The following LYST variants were observed in gnomAD, a reference collection of about 807,000 sequenced individuals.
LYST encodes lysosomal trafficking regulator, also known as lysosomal-trafficking regulator.
LYST carries 192 observed loss-of-function variants against 413.6 expected under a neutral mutation model. That is an observed-to-expected ratio of 0.46 (90% CI 0.41 to 0.52). The LOEUF (loss-of-function observed/expected upper bound fraction) is 0.52, where lower values mean the gene tolerates loss of function less well. LYST is among the 20% of genes least tolerant of loss of function. LYST has a pLI of 0.00. For missense variants in LYST, 3,815 were observed against 4,499.9 expected, an observed-to-expected ratio of 0.85 and a Z score of 4.35; for synonymous variants, 1,525 against 1,567.3, an observed-to-expected ratio of 0.97 and a Z score of 0.64.
chr1:235,871,906 T>C (rs1479548098), upstream of LYST, among the ~76,000 whole-genome samples: 1 of 152,180 alleles, frequency 6.6e-6, no homozygotes, highest in East Asian at 1.9e-4. Context: ...GGGGAGGAAA[T>C]GTTTCCTCAA....
intron 45 of LYST, 30 bp downstream of exon 45, chr1:235,702,717 C>T (rs771274641): frequency 6.4e-7 from 1 of 1,571,628 alleles, no homozygotes; most frequent in Non-Finnish European, 8.8e-7. Flanking sequence ...TCAGGTTTTG[C>T]TGCACTCGAT....
At chr1:235,784,033 C>T (rs891473935) in intron 14 of LYST, among the ~76,000 whole-genome samples, 1 of 152,140 alleles carries the variant, frequency 6.6e-6, no homozygotes, top group African/African-American at 2.4e-5. Flanking sequence ...CTACGCATTA[C>T]CATGCCCAGC....
chr1:235,860,514 T>A (rs757379494), intron 1 of LYST, among the ~76,000 whole-genome samples: 3 of 152,186 alleles, frequency 2.0e-5, no homozygotes, highest in Non-Finnish European at 2.9e-5. Context: ...TCCCTCCTTC[T>A]CTCCACCACT....
chr1:235,826,854 G>GT (rs1383792184), intron 3 of LYST, among the ~76,000 whole-genome samples: 2 of 151,920 alleles, frequency 1.3e-5, no homozygotes, highest in African/African-American at 2.4e-5. Flanking sequence ...GCTAATTTTT[G>GT]TATTTTTTTG....
intron 1 of LYST, among the ~76,000 whole-genome samples, chr1:235,845,585 T>C (rs1677737451): frequency 6.6e-6 from 1 of 152,070 alleles, no homozygotes; most frequent in Non-Finnish European, 1.5e-5. Context: ...GTGGATAGCC[T>C]CGGGGAAGTT....
chr1:235,821,566 T>C (rs553000575), intron 3 of LYST, among the ~76,000 whole-genome samples: 1 of 152,266 alleles, frequency 6.6e-6, no homozygotes, highest in South Asian at 2.1e-4. Context: ...GATAGTTATA[T>C]GTACTGTTTT....
intron 19 of LYST, among the ~76,000 whole-genome samples, chr1:235,773,232 T>G (rs966557239): frequency 2.6e-5 from 4 of 151,458 alleles, no homozygotes; most frequent in Admixed American, 1.3e-4. Context: ...GGTAGGAGTA[T>G]CATCTGAGCC....
upstream of LYST, among the ~76,000 whole-genome samples, chr1:235,870,954 G>A (rs1680897802): frequency 6.6e-6 from 1 of 152,204 alleles, no homozygotes; most frequent in African/African-American, 2.4e-5. Flanking sequence ...AGGAATACAA[G>A]ACTGCGATTT....
At chr1:235,768,318 A>C (rs377498218) in intron 20 of LYST, among the ~76,000 whole-genome samples, 14 of 152,046 alleles carry the variant, frequency 9.2e-5, no homozygotes, top group Non-Finnish European at 1.3e-4. Flanking sequence ...TATCCTTATA[A>C]TCTCTCCCAT....
intron 5 of LYST, among the ~76,000 whole-genome samples, chr1:235,807,958 A>G (rs1033170231): frequency 3.9e-5 from 6 of 152,176 alleles, no homozygotes; most frequent in African/African-American, 1.4e-4. Context: ...CACTATTTTA[A>G]TTGTTTATAT....
In LYST at chr1:235,695,629, ATTTTTT is replaced by A. The variant is rs148101450; in HGVS notation, c.10564+1448_10564+1453del. Among the ~76,000 whole-genome samples, 616 of 116,416 alleles carry A rather than the reference ATTTTTT, an allele frequency of 5.3e-3. 5 individuals are homozygous for A. Among genetic ancestry groups the A allele is most frequent in the African/African-American group, 0.019 (566 of 29,540 alleles). The allele number at this position is 116,416 out of a possible 152,430, so 76.4% of individuals were successfully genotyped here. A position where few individuals can be genotyped will look rare whatever the true frequency, so the allele number is the denominator to read the frequency against. On this transcript the variant is annotated intron_variant, in intron 46 of 52. Coordinates refer to ENST00000389793, the MANE Select transcript of LYST (RefSeq NM_000081.4). ...CAGAGAGAAACTTTACAGTACTCTA[ATTTTTT>A]TTTTTTTTTTTTTTTGAGACGGAGT...
intron 10 of LYST, among the ~76,000 whole-genome samples, chr1:235,799,061 A>AAC (rs1256025959): frequency 1.3e-5 from 2 of 152,206 alleles, no homozygotes; most frequent in Non-Finnish European, 2.9e-5. Context: ...CAGAGTTAAA[A>AAC]ACACATATTC....
At chr1:235,838,952 C>T (rs1676876567) in intron 1 of LYST, among the ~76,000 whole-genome samples, 1 of 152,002 alleles carries the variant, frequency 6.6e-6, no homozygotes, top group South Asian at 2.1e-4. Context: ...TACTCATTCT[C>T]TCTCTCTCCC....
At chr1:235,698,892 CA>C (rs1003337634) in intron 45 of LYST, among the ~76,000 whole-genome samples, 2 of 151,244 alleles carry the variant, frequency 1.3e-5, no homozygotes, top group African/African-American at 2.4e-5. Flanking sequence ...AAAACAAAAA[CA>C]AAAAAAATCA....
rs147249480 is a variant in LYST at position 235,833,266 on chromosome 1, A to C, written c.-8+312T>G. Among the ~76,000 whole-genome samples, 359 of 151,704 alleles carry C rather than the reference A, an allele frequency of 2.4e-3. 4 individuals are homozygous for C. Among genetic ancestry groups the C allele is most frequent in the African/African-American group, 8.4e-3 (348 of 41,480 alleles). On this transcript the variant is annotated intron_variant, in intron 2 of 52. Coordinates refer to ENST00000389793, the MANE Select transcript of LYST (RefSeq NM_000081.4). ...AGATGATTGCACGGTATTTTCTTTA[A>C]ATTTTTTCTAATATTTAAAGTACCC...
At chr1:235,718,821 T>C (rs1437017648) in intron 40 of LYST, among the ~76,000 whole-genome samples, 1 of 152,246 alleles carries the variant, frequency 6.6e-6, no homozygotes, top group Non-Finnish European at 1.5e-5. Flanking sequence ...AAGTAAGGAA[T>C]TGGTGCCCTA....
chr1:235,723,772 T>C (rs1663605318), intron 39 of LYST, among the ~76,000 whole-genome samples: 1 of 151,870 alleles, frequency 6.6e-6, no homozygotes, highest in Non-Finnish European at 1.5e-5. Flanking sequence ...GTCAAGAGAG[T>C]TTGTCAAAGA....
intron 10 of LYST, among the ~76,000 whole-genome samples, chr1:235,795,285 T>C (rs1246489842): frequency 6.6e-6 from 1 of 152,206 alleles, no homozygotes; most frequent in African/African-American, 2.4e-5. Context: ...AACTCTTCTC[T>C]AAATAAACGA....
chr1:235,795,809 A>G (rs192892865), intron 10 of LYST, among the ~76,000 whole-genome samples: 18 of 152,300 alleles, frequency 1.2e-4, no homozygotes, highest in African/African-American at 4.3e-4. Flanking sequence ...CTAAATCAGT[A>G]AAAATAATAT....
Sources: gnomAD v4.1 joint callset for allele counts (sites outside exome capture counted in the v4.1 genomes callset) on GRCh38, gnomAD v4.1.1 for gene constraint, MANE v1.5 for transcripts, NCBI Gene and HGNC (gene_info 2026-07-23, HGNC 2026-07-21) for gene names.